YES1: variants seen among roughly 807,000 people sequenced by gnomAD.
YES1 encodes tyrosine-protein kinase Yes.
In YES1, 39 loss-of-function variants were observed where a neutral mutation model predicts 70.4. The ratio of observed to expected loss-of-function variants is 0.55; its 90% CI spans 0.43 to 0.72. The LOEUF (loss-of-function observed/expected upper bound fraction) is 0.72. YES1 is among the 30% of genes least tolerant of loss of function. The pLI, the probability that YES1 is intolerant of heterozygous loss-of-function variation, is 0.00. For missense variants in YES1, 495 were observed against 644.8 expected (o/e 0.77, Z 2.52); for synonymous variants, 198 against 218.6 (o/e 0.91, Z 0.83).
chr18:768,861 C>T (rs183530878), intron 1 of YES1, among the ~76,000 whole-genome samples: 17 of 152,230 alleles, frequency 1.1e-4, no homozygotes, highest in African/African-American at 3.6e-4. Flanking sequence ...TGCCACCACG[C>T]CTGGCTAATT....
intron 1 of YES1, among the ~76,000 whole-genome samples, chr18:800,244 C>A (rs1906752165): frequency 6.6e-6 from 1 of 152,204 alleles, no homozygotes; most frequent in South Asian, 2.1e-4. Context: ...GCAGAACATG[C>A]CAGCTGACTG....
intron 1 of YES1, among the ~76,000 whole-genome samples, chr18:789,314 A>C (rs1906120935): frequency 6.6e-6 from 1 of 152,066 alleles, no homozygotes; most frequent in African/African-American, 2.4e-5. Context: ...AGGCATGGTG[A>C]CTCACGCATG....
chr18:791,577 T>C (rs1453899787), intron 1 of YES1, among the ~76,000 whole-genome samples: 1 of 152,202 alleles, frequency 6.6e-6, no homozygotes, highest in Admixed American at 6.5e-5. Context: ...AGAAATATAA[T>C]GTGAACCACA....
At chr18:795,751 G>C (rs1193106876) in intron 1 of YES1, among the ~76,000 whole-genome samples, 3 of 105,666 alleles carry the variant, frequency 2.8e-5, no homozygotes, top group African/African-American at 3.7e-5. Flanking sequence ...ACTGGGGCCT[G>C]TTAGGGGGTG....
intron 1 of YES1, among the ~76,000 whole-genome samples, chr18:771,943 G>C (rs917928277): frequency 1.3e-5 from 2 of 152,152 alleles, no homozygotes; most frequent in African/African-American, 4.8e-5. Context: ...TTATTGTAAA[G>C]ATAAAAATGT....
intron 8 of YES1, 136 bp from the exon 9 acceptor site, chr18:739,947 G>T: frequency 1.5e-6 from 1 of 670,034 alleles, no homozygotes; most frequent in Non-Finnish European, 2.4e-6. Context: ...CAGTTTTGCA[G>T]TTTCCAAATA....
rs1366066075 is a variant in YES1 at position 779,835 on chromosome 18, C to T, written c.-8-23000G>A. 2.0e-5 allele frequency among the ~76,000 whole-genome samples: 3 copies of T among 152,046 alleles called. No individual in the cohort carries two copies. In the East Asian group the frequency reaches 5.8e-4, roughly 29 times the overall value. Reference sequence around the variant, plus strand: ...AATTAAATGCTCCTCAGGCACTGCACGTACTCTTCTTTAATTGGGGTTTTA... The same window carrying T: ...AATTAAATGCTCCTCAGGCACTGCATGTACTCTTCTTTAATTGGGGTTTTA... On this transcript the variant is annotated intron_variant, in intron 1 of 11. Coordinates refer to ENST00000314574, the MANE Select transcript of YES1 (RefSeq NM_005433.4).
At chr18:745,509 C>A (rs2080268520) in intron 6 of YES1, among the ~76,000 whole-genome samples, 199 bp downstream of exon 6, 1 of 152,130 alleles carries the variant, frequency 6.6e-6, no homozygotes, top group South Asian at 2.1e-4. Context: ...TGATGAGAGT[C>A]TATTAGCACA....
chr18:794,886 G>A lies in YES1; in HGVS notation c.-9+17228C>T, dbSNP rs975516069. Among the ~76,000 whole-genome samples the A allele has an allele frequency of 6.6e-5, 10 of 152,266 alleles. No homozygotes were observed. The East Asian group carries it at 9.6e-4, about 15-fold the overall frequency. On this transcript the variant is annotated intron_variant, in intron 1 of 11. Transcript: ENST00000314574. Reference sequence around the variant, plus strand: ...GGCTGGAGAGCAGTGGTGCAATCTCGGCTCACTGCAACCTTGCCTCCCGGG... The same window carrying A: ...GGCTGGAGAGCAGTGGTGCAATCTCAGCTCACTGCAACCTTGCCTCCCGGG...
At chr18:755,023 A>G (rs1179359124) in intron 2 of YES1, among the ~76,000 whole-genome samples, 7 of 152,190 alleles carry the variant, frequency 4.6e-5, no homozygotes, top group South Asian at 2.1e-4. Flanking sequence ...TTAGGTAACT[A>G]AAGTGTGTCT....
chr18:743,499 G>C, intron 6 of YES1, 84 bp from the exon 7 acceptor site: 1 of 1,167,094 alleles, frequency 8.6e-7, no homozygotes, highest in Non-Finnish European at 1.1e-6. Context: ...AGTTTAAACT[G>C]TAGAAAAACA....
intron 6 of YES1, 28 bp from the exon 7 acceptor site, chr18:743,443 A>G (rs577712424): frequency 1.3e-6 from 2 of 1,566,982 alleles, no homozygotes; most frequent in African/African-American, 2.7e-5. Context: ...CTATACTGTA[A>G]TATCAATTAC....
intron 11 of YES1, among the ~76,000 whole-genome samples, chr18:728,554 T>C (rs2080049040): frequency 6.6e-6 from 1 of 152,134 alleles, no homozygotes; most frequent in Non-Finnish European, 1.5e-5. Context: ...TGAGATGAAG[T>C]CTTGCTCTGT....
chr18:808,760 C>G (rs1290435679), intron 1 of YES1, among the ~76,000 whole-genome samples: 2 of 152,190 alleles, frequency 1.3e-5, no homozygotes, highest in Non-Finnish European at 1.5e-5. Context: ...AAATAGCAAG[C>G]CATTACATAA....
chr18:756,180 A>G (rs1301559915), intron 2 of YES1, among the ~76,000 whole-genome samples: 1 of 152,180 alleles, frequency 6.6e-6, no homozygotes, highest in African/African-American at 2.4e-5. Flanking sequence ...AGTAACCACT[A>G]TAAGACTTTA....
At chr18:756,463 A>G in intron 2 of YES1, 94 bp downstream of exon 2, 1 of 1,466,156 alleles carries the variant, frequency 6.8e-7, no homozygotes, top group Non-Finnish European at 9.3e-7. Flanking sequence ...GTCCTCAAGT[A>G]AGATATCTTT....
In YES1 at chr18:763,976, C is replaced by T. The variant is rs1457959813; in HGVS notation, c.-8-7141G>A. On this transcript the variant is annotated intron_variant, in intron 1 of 11. Transcript: ENST00000314574. ...TTCTACAAAAAATAGAAAAAATCAG[C>T]GGGGTGTGGTGGCGGGCACTGTAGT... 2.6e-5 allele frequency among the ~76,000 whole-genome samples: 4 copies of T among 151,652 alleles called. No homozygotes were observed. In the East Asian group the frequency reaches 6.0e-4, roughly 23 times the overall value.
chr18:741,978 G>A (rs1009199899), intron 8 of YES1, among the ~76,000 whole-genome samples: 1 of 152,046 alleles, frequency 6.6e-6, no homozygotes, highest in African/African-American at 2.4e-5. Flanking sequence ...CCTTTTGAGG[G>A]GAAAAATTTT....
chr18:727,203 A>G (rs1255711526), intron 11 of YES1, among the ~76,000 whole-genome samples: 1 of 152,048 alleles, frequency 6.6e-6, no homozygotes, highest in Admixed American at 6.6e-5. Flanking sequence ...TTCCCTGTTG[A>G]ACTGACCCTT....
Sources: allele counts gnomAD v4.1 joint callset (sites outside exome capture counted in the v4.1 genomes callset), GRCh38; gene constraint gnomAD v4.1.1; transcripts MANE v1.5; gene names NCBI Gene and HGNC (gene_info 2026-07-23, HGNC 2026-07-21).